The following PSMD1 variants were observed in gnomAD, a reference collection of about 807,000 sequenced individuals.
PSMD1 encodes the protein 26S proteasome non-ATPase regulatory subunit 1.
A neutral mutation model predicts 119.0 loss-of-function variants in PSMD1; 18 were observed. The observed-to-expected ratio is 0.15, with a 90% confidence interval of 0.10 to 0.22. The LOEUF is 0.22. Ranked by LOEUF, PSMD1 falls within the 10% of genes least tolerant of loss-of-function variation. The probability of loss-of-function intolerance (pLI) is 1.00; values close to 1 mark genes in which losing one functional copy is unlikely to be tolerated. For synonymous variants in PSMD1, 374 were observed against 396.6 expected, an observed-to-expected ratio of 0.94 and a Z score of 0.68; for missense variants, 702 against 1,158.5, an observed-to-expected ratio of 0.61 and a Z score of 5.72.
At chr2:231,118,703 C>G (rs563458142) in intron 16 of PSMD1, among the ~76,000 whole-genome samples, 1 of 152,232 alleles carries the variant, frequency 6.6e-6, no homozygotes, top group African/African-American at 2.4e-5. Context: ...CTTTGGGCAG[C>G]TTTTTAGTTT....
intron 19 of PSMD1, among the ~76,000 whole-genome samples, chr2:231,154,251 G>A (rs1696436365): frequency 6.6e-6 from 1 of 152,038 alleles, no homozygotes; most frequent in South Asian, 2.1e-4. Context: ...GGCCAACAAG[G>A]TGAAACCCTG....
intron 16 of PSMD1, chr2:231,109,497 T>C: frequency 8.7e-7 from 1 of 1,146,626 alleles, no homozygotes; most frequent in East Asian, 2.4e-5. Context: ...CCTTATAACT[T>C]TATGCTTGTT....
At chr2:231,102,177 T>C (rs1694884261) in intron 16 of PSMD1, among the ~76,000 whole-genome samples, 1 of 152,172 alleles carries the variant, frequency 6.6e-6, no homozygotes, top group Admixed American at 6.5e-5. Context: ...GTTGCACACT[T>C]AATAGGCTAT....
At chr2:231,108,595 TGAA>T (rs1227107501) in intron 16 of PSMD1, 1 of 1,614,014 alleles carries the variant, frequency 6.2e-7, no homozygotes, top group East Asian at 2.2e-5. Context: ...GAATGATTGA[TGAA>T]GACTGAATGG....
intron 6 of PSMD1, among the ~76,000 whole-genome samples, chr2:231,070,617 T>C (rs1403194188): frequency 6.6e-6 from 1 of 152,076 alleles, no homozygotes; most frequent in Admixed American, 6.5e-5. Flanking sequence ...TAAATTTGCT[T>C]GCACATAAAA....
chr2:231,158,038 T>C (rs903509895), intron 19 of PSMD1, among the ~76,000 whole-genome samples: 1 of 151,924 alleles, frequency 6.6e-6, no homozygotes, highest in Non-Finnish European at 1.5e-5. Flanking sequence ...AGGCCTGGCT[T>C]AGTGGCTAAC....
At chr2:231,100,010 CT>C (rs1432302741) in intron 16 of PSMD1, among the ~76,000 whole-genome samples, 4 of 151,882 alleles carry the variant, frequency 2.6e-5, no homozygotes, top group Non-Finnish European at 5.9e-5. Flanking sequence ...TTATTTTTTT[CT>C]GCGTTGCTGA....
chr2:231,072,700 G>A (rs966055906), intron 7 of PSMD1, among the ~76,000 whole-genome samples: 6 of 152,042 alleles, frequency 3.9e-5, no homozygotes, highest in African/African-American at 1.4e-4. Flanking sequence ...TAAAAAAACA[G>A]GTGGGGATAG....
At chr2:231,090,331 C>A (rs12619336) in intron 16 of PSMD1, among the ~76,000 whole-genome samples, 28,682 of 152,210 alleles carry the variant, frequency 0.19, 2,922 homozygotes, top group African/African-American at 0.23. Context: ...CACCCAAGAT[C>A]AGGAGTTTGA....
chr2:231,127,976 T>A (rs180882429), intron 16 of PSMD1, among the ~76,000 whole-genome samples: 56 of 152,356 alleles, frequency 3.7e-4, no homozygotes, highest in African/African-American at 1.3e-3. Flanking sequence ...CATTTTTTTC[T>A]AAGACAATTG....
intron 7 of PSMD1, 139 bp downstream of exon 7, chr2:231,072,554 C>A: frequency 1.4e-6 from 1 of 735,612 alleles, no homozygotes; most frequent in Non-Finnish European, 2.2e-6. Flanking sequence ...TCTTATTAGG[C>A]TGTTGCTCTG....
chr2:231,166,713 C>T (rs1696795030), intron 23 of PSMD1, among the ~76,000 whole-genome samples: 1 of 152,190 alleles, frequency 6.6e-6, no homozygotes, highest in Middle Eastern at 3.2e-3. Context: ...CCATCCAAGA[C>T]ATCCAGATGC....
At chr2:231,171,528 G>A (rs1696908333) in intron 24 of PSMD1, among the ~76,000 whole-genome samples, 1 of 150,112 alleles carries the variant, frequency 6.7e-6, no homozygotes, top group African/African-American at 2.4e-5. Flanking sequence ...TTCCACCCAA[G>A]CACAAACACG....
At chr2:231,143,696 A>G (rs1696183542) in intron 17 of PSMD1, among the ~76,000 whole-genome samples, 1 of 152,232 alleles carries the variant, frequency 6.6e-6, no homozygotes, top group South Asian at 2.1e-4. Flanking sequence ...TGATATGTAT[A>G]TTCCTAGAAC....
chr2:231,125,926 G>A (rs1695708442), intron 16 of PSMD1, among the ~76,000 whole-genome samples: 1 of 152,006 alleles, frequency 6.6e-6, no homozygotes. Flanking sequence ...GAATGTTATT[G>A]GAAAATACTT....
intron 16 of PSMD1, among the ~76,000 whole-genome samples, chr2:231,089,003 A>T (rs1031347649): frequency 2.0e-5 from 3 of 152,234 alleles, no homozygotes; most frequent in Non-Finnish European, 2.9e-5. Flanking sequence ...ATAAGGAAAA[A>T]GTTGTAGTGC....
At chr2:231,107,828 G>A (rs1026331382) in intron 16 of PSMD1, among the ~76,000 whole-genome samples, 11 of 152,172 alleles carry the variant, frequency 7.2e-5, no homozygotes, top group Admixed American at 6.5e-4. Flanking sequence ...GTACCCAAGA[G>A]CGATTTTATT....
At chr2:231,140,878 CAAAA>C (rs1412285135) in intron 17 of PSMD1, among the ~76,000 whole-genome samples, 1 of 148,982 alleles carries the variant, frequency 6.7e-6, no homozygotes. Flanking sequence ...AACTCCATCT[CAAAA>C]AAAAGGCCAG....
intron 16 of PSMD1, among the ~76,000 whole-genome samples, chr2:231,112,494 T>TA (rs750613719): frequency 2.3e-4 from 35 of 152,364 alleles, no homozygotes; most frequent in Non-Finnish European, 4.6e-4. Context: ...TATATCATCA[T>TA]TTCAGGAATA....
Sources: allele counts gnomAD v4.1 joint callset (sites outside exome capture counted in the v4.1 genomes callset), GRCh38; gene constraint gnomAD v4.1.1; transcripts MANE v1.5; gene names NCBI Gene and HGNC (gene_info 2026-07-23, HGNC 2026-07-21).